Variants in SH3RF3 observed in about 807,000 individuals in gnomAD.
SH3RF3 encodes SH3 domain containing ring finger 3.
A neutral mutation model predicts 66.3 loss-of-function variants in SH3RF3; 29 were observed. The observed-to-expected ratio is 0.44, with a 90% CI of 0.33 to 0.60. SH3RF3 has a LOEUF of 0.60. Ranked by LOEUF, SH3RF3 falls within the 20% of genes least tolerant of loss-of-function variation. SH3RF3 has a pLI of 0.04. For synonymous variants in SH3RF3, 583 were observed against 532.0 expected (o/e 1.10, Z -1.32); for missense variants, 1,194 against 1,190.9 (o/e 1.00, Z -0.04).
intron 3 of SH3RF3, among the ~76,000 whole-genome samples, chr2:109,391,127 A>G (rs748369180): frequency 6.6e-5 from 10 of 152,182 alleles, no homozygotes; most frequent in African/African-American, 9.7e-5. Context: ...CCCTCCTCAG[A>G]TTTTTAAATG....
At chr2:109,480,751 T>C (rs979656400) in intron 8 of SH3RF3, among the ~76,000 whole-genome samples, 10 of 152,138 alleles carry the variant, frequency 6.6e-5, no homozygotes, top group African/African-American at 2.4e-4. Flanking sequence ...CTGGATCCCC[T>C]GGGCTCACCT....
intron 3 of SH3RF3, among the ~76,000 whole-genome samples, chr2:109,397,959 A>G (rs1275569799): frequency 2.6e-5 from 4 of 152,226 alleles, no homozygotes; most frequent in African/African-American, 9.6e-5. Context: ...GACCTCGCCA[A>G]ATCACTCAAG....
chr2:109,322,190 T>G (rs1315939680), intron 1 of SH3RF3, among the ~76,000 whole-genome samples: 1 of 152,146 alleles, frequency 6.6e-6, no homozygotes, highest in Non-Finnish European at 1.5e-5. Context: ...TCAGCGCCCC[T>G]TCAAGCATTC....
In SH3RF3 at chr2:109,129,858, C is replaced by G. The variant is rs1262715675; in HGVS notation, c.318C>G (p.Asp106Glu). ...ECRILVGCGVDELPANILLVR... is the reference protein window; with the variant it reads ...ECRILVGCGVEELPANILLVR... ...GCATCCTGGTGGGCTGCGGCGTGGA[C>G]GAACTGCCCGCCAACATCTTGCTGG... The change falls in exon 1 of 10, where the codon GAC becomes GAG. Residue 106 changes from aspartate to glutamate, a missense_variant. Transcript: ENST00000309415. 6.5e-7 allele frequency: 1 copy of G among 1,526,980 alleles called. No homozygotes were observed. Among genetic ancestry groups the G allele is most frequent in the East Asian group, 2.5e-5 (1 of 39,632 alleles). 94.6% of individuals were successfully genotyped at this position (1,526,980 alleles called of 1,614,324 possible). A position where few individuals can be genotyped will look rare whatever the true frequency, so the allele number is the denominator to read the frequency against.
At chr2:109,221,461 T>C (rs924237480) in intron 1 of SH3RF3, among the ~76,000 whole-genome samples, 12 of 151,856 alleles carry the variant, frequency 7.9e-5, no homozygotes, top group Admixed American at 5.3e-4. Context: ...TGCACGCCTG[T>C]AATCCCAGCT....
intron 1 of SH3RF3, among the ~76,000 whole-genome samples, chr2:109,336,652 T>G (rs1682428094): frequency 6.6e-6 from 1 of 152,274 alleles, no homozygotes; most frequent in African/African-American, 2.4e-5. Context: ...TTTGTTTCTC[T>G]GCAGTGAGAC....
At chr2:109,498,236 C>T (rs28495926) in intron 9 of SH3RF3, among the ~76,000 whole-genome samples, 38,819 of 152,068 alleles carry the variant, frequency 0.26, 5,304 homozygotes, top group East Asian at 0.5. Flanking sequence ...ATCGTGCACC[C>T]GTAGATGCTC....
At chr2:109,392,020 T>C (rs1676011975) in intron 3 of SH3RF3, among the ~76,000 whole-genome samples, 1 of 151,962 alleles carries the variant, frequency 6.6e-6, no homozygotes, top group Non-Finnish European at 1.5e-5. Context: ...CTCACTATAT[T>C]ACCCAGGCTG....
intron 1 of SH3RF3, among the ~76,000 whole-genome samples, chr2:109,204,921 C>G (rs1678774294): frequency 6.6e-6 from 1 of 152,158 alleles, no homozygotes; most frequent in South Asian, 2.1e-4. Flanking sequence ...TAAAGTAGAG[C>G]AACTGGGTGG....
chr2:109,225,296 C>T (rs965574546), intron 1 of SH3RF3, among the ~76,000 whole-genome samples: 1 of 152,228 alleles, frequency 6.6e-6, no homozygotes, highest in African/African-American at 2.4e-5. Context: ...GAATAGTCCT[C>T]AAACCATTGT....
chr2:109,356,214 C>T (rs1035939805), intron 2 of SH3RF3, among the ~76,000 whole-genome samples: 1 of 152,066 alleles, frequency 6.6e-6, no homozygotes, highest in African/African-American at 2.4e-5. Flanking sequence ...ATTTTCCCAG[C>T]CCAGCCTCTA....
intron 5 of SH3RF3, among the ~76,000 whole-genome samples, chr2:109,423,627 G>A (rs186069420): frequency 2.6e-5 from 4 of 152,290 alleles, no homozygotes; most frequent in African/African-American, 4.8e-5. Flanking sequence ...GGCTTGGAAC[G>A]AAGGCCTGGA....
At chr2:109,361,976 T>C (rs1242073168) in intron 2 of SH3RF3, among the ~76,000 whole-genome samples, 1 of 152,178 alleles carries the variant, frequency 6.6e-6, no homozygotes, top group Non-Finnish European at 1.5e-5. Context: ...CTTAGTTTGC[T>C]TGCTAGAAGC....
At chr2:109,258,687 G>A (rs879333250) in intron 1 of SH3RF3, among the ~76,000 whole-genome samples, 2 of 152,234 alleles carry the variant, frequency 1.3e-5, no homozygotes, top group African/African-American at 4.8e-5. Flanking sequence ...TGTGGCAGCC[G>A]TGTCTGAGTG....
chr2:109,187,457 G>A (rs2105008128), intron 1 of SH3RF3, among the ~76,000 whole-genome samples: 1 of 152,206 alleles, frequency 6.6e-6, no homozygotes, highest in East Asian at 1.9e-4. Context: ...AGACGTTGCT[G>A]TTGTTGACAA....
intron 1 of SH3RF3, among the ~76,000 whole-genome samples, chr2:109,273,814 C>A (rs1680681840): frequency 6.6e-6 from 1 of 152,062 alleles, no homozygotes. Context: ...CTGCTTGAGA[C>A]CAGGCTCAGC....
At chr2:109,411,869 T>G (rs919957895) in intron 4 of SH3RF3, among the ~76,000 whole-genome samples, 7 of 152,210 alleles carry the variant, frequency 4.6e-5, no homozygotes, top group African/African-American at 1.7e-4. Flanking sequence ...TCCCACATAT[T>G]TGCTTGGAGC....
At chr2:109,469,334 G>T (rs148406453) in intron 8 of SH3RF3, among the ~76,000 whole-genome samples, 1 of 152,212 alleles carries the variant, frequency 6.6e-6, no homozygotes, top group African/African-American at 2.4e-5. Flanking sequence ...TGTGGCATGC[G>T]GCTGGGCCCC....
intron 7 of SH3RF3, among the ~76,000 whole-genome samples, chr2:109,441,715 A>G (rs903611262): frequency 6.6e-6 from 1 of 152,362 alleles, no homozygotes; most frequent in Middle Eastern, 3.4e-3. Flanking sequence ...CACCAAGCAC[A>G]AGAAACATGA....
Sources: gnomAD v4.1 joint callset for allele counts (sites outside exome capture counted in the v4.1 genomes callset) on GRCh38, gnomAD v4.1.1 for gene constraint, MANE v1.5 for transcripts, NCBI Gene and HGNC (gene_info 2026-07-23, HGNC 2026-07-21) for gene names.